Variants in CD99 observed in about 807,000 individuals in gnomAD.
The protein encoded by CD99 is CD99 molecule (Xg blood group), also known as CD99 antigen.
In CD99, 19 loss-of-function variants were observed where a neutral mutation model predicts 28.4. That is an observed-to-expected ratio of 0.67 (90% CI 0.47 to 0.98). CD99 has a LOEUF of 0.98. Among genes scored for constraint, CD99 ranks in the 50% least tolerant of loss-of-function variants. The pLI is 0.00. For missense variants in CD99, 283 were observed against 248.8 expected, an observed-to-expected ratio of 1.14 and a Z score of -0.92; for synonymous variants, 103 against 92.1, an observed-to-expected ratio of 1.12 and a Z score of -0.67.
At chrX:2,730,573 T>C (rs2049547193) in intron 8 of CD99, among the ~76,000 whole-genome samples, 1 of 152,210 alleles carries the variant, frequency 6.6e-6, no homozygotes, top group East Asian at 1.9e-4. Flanking sequence ...AATTTTCTTC[T>C]AATATTTTCT....
chrX:2,697,856 G>T (rs1363195122), intron 1 of CD99, among the ~76,000 whole-genome samples: 1 of 151,974 alleles, frequency 6.6e-6, no homozygotes, highest in East Asian at 1.9e-4. Flanking sequence ...TGAACACTCG[G>T]AGAGAAGTGT....
intron 1 of CD99, among the ~76,000 whole-genome samples, chrX:2,709,450 A>C (rs112286806): frequency 0.013 from 2,037 of 152,364 alleles, 22 homozygotes; most frequent in Non-Finnish European, 0.021. Context: ...ATATTCATGC[A>C]GTGCACTTGT....
rs2049099144 is a variant in CD99, at chrX:2,723,354, AGG to A, written c.354_355del (p.Glu119ArgfsTer25). 6.2e-7 allele frequency: 1 copy of A among 1,613,832 alleles called. No individual in the cohort carries two copies. The highest frequency in any genetic ancestry group is 2.2e-5 in the East Asian group (1 of 44,888). On this transcript the variant is annotated frameshift_variant, in exon 7 of 10. Coordinates refer to ENST00000381192, the MANE Select transcript of CD99 (RefSeq NM_002414.5). LOFTEE classifies it high-confidence loss of function. The stretch of plus-strand genomic sequence containing the variant: ...ATGGTGGAGGCAGCCACAGGAAAGA[AGG>A]GGAAGAGGGTAGGTGCACCTGGCTT... Reference protein sequence around the residue: ...SDGGGSHRKEGEEADAPGVIP... With the variant: ...SDGGGSHRKEXEEADAPGVIP...
chrX:2,720,620 CTT>C (rs71281938), intron 5 of CD99, among the ~76,000 whole-genome samples, 196 bp downstream of exon 5: 2,068 of 83,864 alleles, frequency 0.025, 27 homozygotes, highest in African/African-American at 0.096. Context: ...TTTTAGTTTG[CTT>C]TTTTTTTTTT....
At chrX:2,712,297 A>G (rs746243594) in intron 1 of CD99, among the ~76,000 whole-genome samples, 6 of 152,282 alleles carry the variant, frequency 3.9e-5, no homozygotes, top group African/African-American at 1.4e-4. Context: ...GGATAAGTTC[A>G]GGGGTCTACT....
At position 2,728,200 on chromosome X, in the gene CD99, C is replaced by CTTTTTTT. The variant is rs892410632; in HGVS notation, c.475+1843_475+1849dup. 3.7e-3 allele frequency among the ~76,000 whole-genome samples: 392 copies of CTTTTTTT among 106,960 alleles called. 15 individuals are homozygous for CTTTTTTT. Among genetic ancestry groups the CTTTTTTT allele is most frequent in the African/African-American group, 0.015 (377 of 25,476 alleles). The allele number at this position is 106,960 out of a possible 152,430, so 70.2% of individuals were successfully genotyped here. ...AGTGGGAAATGGTGTTTGGTTGTTT[C>CTTTTTTT]TTTTTTTTTTTTTTTTTTTTTTGAG... On this transcript the variant is annotated intron_variant, in intron 8 of 9. Coordinates refer to ENST00000381192, the MANE Select transcript of CD99 (RefSeq NM_002414.5).
chrX:2,707,658 G>A (rs867643619), intron 1 of CD99, among the ~76,000 whole-genome samples: 81 of 152,314 alleles, frequency 5.3e-4, no homozygotes, highest in African/African-American at 1.9e-3. Flanking sequence ...TGAGAGGGCC[G>A]GGTGGAAACA....
intron 2 of CD99, chrX:2,715,092 C>G (rs2048625380): frequency 6.6e-6 from 1 of 152,276 alleles, no homozygotes; most frequent in Non-Finnish European, 1.5e-5. Context: ...TCGGCACCCG[C>G]TGTCTCCATG....
At chrX:2,713,385 A>G (rs746156953) in intron 1 of CD99, among the ~76,000 whole-genome samples, 2 of 132,066 alleles carry the variant, frequency 1.5e-5, no homozygotes, top group East Asian at 4.8e-4. Context: ...ACACATATGC[A>G]CATACACAAA....
At chrX:2,739,279 C>G (rs1388646461) in intron 9 of CD99, among the ~76,000 whole-genome samples, 1 of 152,048 alleles carries the variant, frequency 6.6e-6, no homozygotes, top group Non-Finnish European at 1.5e-5. Context: ...GCCATCAGAA[C>G]CACTTTTGAA....
chrX:2,702,785 T>C (rs1438804637), intron 1 of CD99, among the ~76,000 whole-genome samples: 3 of 152,070 alleles, frequency 2.0e-5, no homozygotes, highest in African/African-American at 7.2e-5. Context: ...TTGAACTTTT[T>C]TTTTTTATTT....
intron 7 of CD99, among the ~76,000 whole-genome samples, chrX:2,724,993 C>T (rs1465420171): frequency 6.6e-6 from 1 of 150,522 alleles, no homozygotes; most frequent in Non-Finnish European, 1.5e-5. Flanking sequence ...ACCCGGGACG[C>T]AGAGGTTGCA....
At chrX:2,696,869 T>G (rs1480110979) in intron 1 of CD99, among the ~76,000 whole-genome samples, 1 of 152,156 alleles carries the variant, frequency 6.6e-6, no homozygotes, top group Non-Finnish European at 1.5e-5. Context: ...TGGGTGTGTT[T>G]TTCGGCTTTG....
chrX:2,721,125 C>T (rs765138852), intron 5 of CD99, among the ~76,000 whole-genome samples: 5 of 151,056 alleles, frequency 3.3e-5, no homozygotes, highest in South Asian at 2.1e-4. Context: ...CAGCGTAATT[C>T]GAATAGCACC....
chrX:2,702,315 C>CCCCTA, intron 1 of CD99, among the ~76,000 whole-genome samples: 2 of 152,170 alleles, frequency 1.3e-5, no homozygotes, highest in African/African-American at 4.8e-5. Context: ...AATTCTGTGA[C>CCCCTA]CCCCTACCCC....
chrX:2,735,914 C>T (rs772878108), intron 8 of CD99, among the ~76,000 whole-genome samples: 29 of 152,058 alleles, frequency 1.9e-4, no homozygotes, highest in Admixed American at 2.0e-4. Flanking sequence ...TTAAAAGTTA[C>T]GCTGCTGGCT....
intron 1 of CD99, among the ~76,000 whole-genome samples, chrX:2,698,074 C>A (rs1220901025): frequency 6.6e-5 from 10 of 151,980 alleles, no homozygotes; most frequent in Non-Finnish European, 1.5e-5. Context: ...TGGACAGCTA[C>A]AGCCACCTAT....
In CD99 at chrX:2,710,088, A is replaced by G. The variant is rs188283113; in HGVS notation, c.68-4334A>G. On this transcript the variant is annotated intron_variant, in intron 1 of 9. Coordinates refer to ENST00000381192, the MANE Select transcript of CD99 (RefSeq NM_002414.5). Reference sequence around the variant, plus strand: ...ACATGCCCTTTCTGTGGAAATATATAGCAGTCCTCATGCTAGGATTGCGTG... The same window carrying G: ...ACATGCCCTTTCTGTGGAAATATATGGCAGTCCTCATGCTAGGATTGCGTG... Among the ~76,000 whole-genome samples the G allele has an allele frequency of 8.8e-3, 1,347 of 152,296 alleles. 12 individuals carry two copies. The highest frequency in any genetic ancestry group is 0.017 in the Non-Finnish European group (1,127 of 68,026).
At position 2,717,612 on chromosome X, in the gene CD99, A is replaced by G. The variant is rs1433322817; in HGVS notation, c.108A>G (p.Glu36=). ...AATATCTTATCTCTTTAGACAATGA[A>G]AACAAGAAACCCACTGCAATCCCCA... ...FDLSDALPDN[E]NKKPTAIPKK... Residue 36 remains glutamate (E), a synonymous_variant, in exon 3 of 10, where the codon GAA becomes GAG. Coordinates refer to ENST00000381192, the MANE Select transcript of CD99 (RefSeq NM_002414.5). 1.2e-5 allele frequency: 19 copies of G among 1,613,644 alleles called. No homozygotes were observed. The highest frequency in any genetic ancestry group is 1.6e-5 in the Non-Finnish European group (19 of 1,179,548).
Sources: gnomAD v4.1 joint callset for allele counts (sites outside exome capture counted in the v4.1 genomes callset) on GRCh38, gnomAD v4.1.1 for gene constraint, MANE v1.5 for transcripts, NCBI Gene and HGNC (gene_info 2026-07-23, HGNC 2026-07-21) for gene names.